CDC42SE2: variants seen among roughly 807,000 people sequenced by gnomAD.
CDC42SE2 encodes CDC42 small effector protein 2.
In CDC42SE2, 3 loss-of-function variants were observed where a neutral mutation model predicts 11.5. The ratio of observed to expected loss-of-function variants is 0.26; its 90% CI spans 0.12 to 0.67. The LOEUF (loss-of-function observed/expected upper bound fraction) is 0.67, where lower values mean the gene tolerates loss of function less well. Ranked by LOEUF, CDC42SE2 falls within the 30% of genes least tolerant of loss-of-function variation. CDC42SE2 has a pLI of 0.80. For missense variants in CDC42SE2, 82 were observed against 106.8 expected (o/e 0.77, Z 1.02); for synonymous variants, 33 against 34.8 (o/e 0.95, Z 0.18).
rs1750696087 is a variant in CDC42SE2 at position 131,392,650 on chromosome 5, G to C, written c.*1559G>C. ...TGGTTGTAAACAGGTGTGGTTACAGGTGTGGTTATGTATCTGAGTGTTGCG... is the reference window on the plus strand; with the variant it reads ...TGGTTGTAAACAGGTGTGGTTACAGCTGTGGTTATGTATCTGAGTGTTGCG... On this transcript the variant is annotated 3_prime_UTR_variant, in exon 5 of 5. Transcript: ENST00000505065. 6.6e-6 allele frequency: 1 copy of C among 152,332 alleles called. No homozygotes were observed. Among genetic ancestry groups the C allele is most frequent in the Non-Finnish European group, 1.5e-5 (1 of 68,046 alleles). 9.4% of individuals were successfully genotyped at this position (152,332 alleles called of 1,614,324 possible). A position where few individuals can be genotyped will look rare whatever the true frequency, so the allele number is the denominator to read the frequency against.
rs533220817 is a variant in CDC42SE2, at chr5:131,306,767, C to T, written c.-454-9209C>T. Among the ~76,000 whole-genome samples, 65 of 152,196 alleles carry T rather than the reference C, an allele frequency of 4.3e-4. 1 individual carries two copies. In the South Asian group the frequency reaches 8.3e-3, roughly 19 times the overall value. Reference sequence around the variant, plus strand: ...TATTTGTATTGTCTACAGTTTCTTTCATCAGTGTTTTATAGTTTTCAGCCT... The same window carrying T: ...TATTTGTATTGTCTACAGTTTCTTTTATCAGTGTTTTATAGTTTTCAGCCT... On this transcript the variant is annotated intron_variant, in intron 1 of 4. Coordinates refer to ENST00000505065, the MANE Select transcript of CDC42SE2 (RefSeq NM_001375635.1).
intron 1 of CDC42SE2, among the ~76,000 whole-genome samples, chr5:131,311,748 T>C (rs1757919914): frequency 1.3e-5 from 2 of 152,238 alleles, no homozygotes; most frequent in African/African-American, 4.8e-5. Context: ...CTCCTGAGGC[T>C]TCTGCATTCT....
intron 1 of CDC42SE2, among the ~76,000 whole-genome samples, chr5:131,250,074 T>C (rs1250946402): frequency 6.6e-6 from 1 of 152,178 alleles, no homozygotes; most frequent in East Asian, 1.9e-4. Flanking sequence ...TCATTATCAC[T>C]CCAAATTGAA....
Position 131,264,156 on chromosome 5 carries a change from C to G in CDC42SE2, c.-465C>G, listed in dbSNP as rs1215712437. 6.6e-6 allele frequency: 1 copy of G among 152,314 alleles called. No homozygotes were observed. Among genetic ancestry groups the G allele is most frequent in the Non-Finnish European group, 1.5e-5 (1 of 68,152 alleles). The allele number at this position is 152,314 out of a possible 1,614,324, so 9.4% of individuals were successfully genotyped here. On this transcript the variant is annotated 5_prime_UTR_variant, in exon 1 of 5. Coordinates refer to ENST00000505065, the MANE Select transcript of CDC42SE2 (RefSeq NM_001375635.1). ...CTGCGGCCGGAGCGGGCGGCTGAGA[C>G]AAAGGCGACGGTGAGTGCAATGCCA...
chr5:131,317,463 C>G (rs1758063925), intron 2 of CDC42SE2, among the ~76,000 whole-genome samples: 1 of 152,078 alleles, frequency 6.6e-6, no homozygotes, highest in Admixed American at 6.6e-5. Flanking sequence ...AATGCACATT[C>G]ACAGAAAGAT....
At chr5:131,243,341 A>T (rs191363672), upstream of CDC42SE2, among the ~76,000 whole-genome samples, 3 of 152,338 alleles carry the variant, frequency 2.0e-5, no homozygotes, top group African/African-American at 7.2e-5. Context: ...GCACTTTGGG[A>T]GGCCAAGGTG....
At chr5:131,375,581 G>A (rs1009585833) in intron 3 of CDC42SE2, among the ~76,000 whole-genome samples, 1 of 152,072 alleles carries the variant, frequency 6.6e-6, no homozygotes, top group Admixed American at 6.5e-5. Context: ...GCCACTGCTG[G>A]CATTCCAGTG....
In CDC42SE2 at chr5:131,283,873, C is replaced by T. The variant is rs145693446; in HGVS notation, c.-455+19707C>T. Among the ~76,000 whole-genome samples the T allele has an allele frequency of 1.7e-3, 266 of 152,162 alleles. 1 individual carries two copies. Among genetic ancestry groups the T allele is most frequent in the African/African-American group, 5.9e-3 (244 of 41,496 alleles). On this transcript the variant is annotated intron_variant, in intron 1 of 4. Transcript: ENST00000505065. The stretch of plus-strand genomic sequence containing the variant: ...ATTTGTCCATTTATCAGTGAATGGA[C>T]GTTGGGTTGTTTGCACATTTCAGTT...
chr5:131,268,141 C>T (rs1278152326), intron 1 of CDC42SE2, among the ~76,000 whole-genome samples: 1 of 141,746 alleles, frequency 7.1e-6, no homozygotes, highest in Non-Finnish European at 1.5e-5. Context: ...CGGCTCACTG[C>T]AACCTCTGTC....
At chr5:131,263,636 C>T (rs1008763377), upstream of CDC42SE2, 1 of 151,630 alleles carries the variant, frequency 6.6e-6, no homozygotes, top group Non-Finnish European at 1.5e-5. Context: ...ACCCACCCAC[C>T]CACCCTCGCC....
chr5:131,264,462 T>A (rs1756810627), intron 1 of CDC42SE2, among the ~76,000 whole-genome samples: 1 of 150,248 alleles, frequency 6.7e-6, no homozygotes, highest in Admixed American at 6.6e-5. Context: ...GGCAGCCAAC[T>A]GACCGCCTGA....
chr5:131,344,809 A>C (rs958865279), intron 2 of CDC42SE2, among the ~76,000 whole-genome samples: 1 of 152,208 alleles, frequency 6.6e-6, no homozygotes, highest in African/African-American at 2.4e-5. Flanking sequence ...AGCTTCCAGA[A>C]GAAGGATCAG....
chr5:131,379,804 C>T (rs1367916843), intron 3 of CDC42SE2, among the ~76,000 whole-genome samples: 1 of 152,138 alleles, frequency 6.6e-6, no homozygotes, highest in Non-Finnish European at 1.5e-5. Context: ...CCAGGAAACA[C>T]GGTGACTCTG....
At chr5:131,366,605 C>T (rs1335536291) in intron 3 of CDC42SE2, among the ~76,000 whole-genome samples, 1 of 151,696 alleles carries the variant, frequency 6.6e-6, no homozygotes, top group African/African-American at 2.4e-5. Context: ...ATGAAGCAAG[C>T]CATTTCTTTG....
At chr5:131,347,394 T>A (rs1758874610) in intron 2 of CDC42SE2, among the ~76,000 whole-genome samples, 1 of 151,818 alleles carries the variant, frequency 6.6e-6, no homozygotes, top group South Asian at 2.1e-4. Flanking sequence ...AACTAGAAAA[T>A]CTAGAAGAAA....
intron 1 of CDC42SE2, among the ~76,000 whole-genome samples, chr5:131,304,971 C>T (rs1223884234): frequency 6.6e-6 from 1 of 152,120 alleles, no homozygotes; most frequent in Non-Finnish European, 1.5e-5. Context: ...ACTGAAGATA[C>T]TGGAAATATA....
the CDC42SE2 span, among the ~76,000 whole-genome samples, chr5:131,218,941 AGGCTAAAGC>A: frequency 2.0e-4 from 30 of 152,248 alleles, no homozygotes; most frequent in Non-Finnish European, 3.2e-4. Context: ...TATTTTTAAA[AGGCTAAAGC>A]CAATCTATGT....
chr5:131,362,177 C>T (rs146835697), intron 3 of CDC42SE2, among the ~76,000 whole-genome samples: 1 of 152,256 alleles, frequency 6.6e-6, no homozygotes, highest in Non-Finnish European at 1.5e-5. Context: ...AGGGACCACA[C>T]TCTTCCCTTC....
intron 2 of CDC42SE2, among the ~76,000 whole-genome samples, chr5:131,347,671 C>G (rs190348491): frequency 6.6e-6 from 1 of 152,160 alleles, no homozygotes; most frequent in Non-Finnish European, 1.5e-5. Context: ...CATCCTGATA[C>G]TAAAGCCTGG....
Sources: gnomAD v4.1 joint callset for allele counts (sites outside exome capture counted in the v4.1 genomes callset) on GRCh38, gnomAD v4.1.1 for gene constraint, MANE v1.5 for transcripts, NCBI Gene and HGNC (gene_info 2026-07-23, HGNC 2026-07-21) for gene names.